Variants in CCDC77 observed in about 807,000 individuals in gnomAD.
CCDC77 encodes coiled-coil domain containing 77.
A neutral mutation model predicts 66.8 loss-of-function variants in CCDC77; 56 were observed. The observed-to-expected ratio is 0.84, with a 90% CI of 0.68 to 1.05. The LOEUF is 1.05. Among genes scored for constraint, CCDC77 ranks in the 50% least tolerant of loss-of-function variants. CCDC77 has a pLI of 0.00. For missense variants in CCDC77, 570 were observed against 576.8 expected (o/e 0.99, Z 0.12); for synonymous variants, 196 against 195.2 (o/e 1.00, Z -0.03).
rs376803710 is a variant in CCDC77, at chr12:430,952, C to T, written c.583+216C>T. The stretch of plus-strand genomic sequence containing the variant: ...AAAACTAGCCGGGTGTGGTGGCAGG[C>T]GCCTGTAATCCTAGCTATTTGGGAG... On this transcript the variant is annotated intron_variant, in intron 7 of 12. Transcript: ENST00000239830. Among the ~76,000 whole-genome samples, 10 of 151,280 alleles carry T rather than the reference C, an allele frequency of 6.6e-5. No homozygotes were observed. The East Asian group carries it at 1.2e-3, about 18-fold the overall frequency.
intron 5 of CCDC77, among the ~76,000 whole-genome samples, chr12:425,626 G>T (rs997985383): frequency 2.0e-5 from 3 of 151,894 alleles, no homozygotes; most frequent in Non-Finnish European, 4.4e-5. Flanking sequence ...CATGTACCAG[G>T]TGAAATAATT....
chr12:423,470 G>GTGTTTTTTTT (rs1565572116), intron 5 of CCDC77, among the ~76,000 whole-genome samples: 1 of 44,876 alleles, frequency 2.2e-5, no homozygotes, highest in East Asian at 1.1e-3. Context: ...TGTTTTTTGT[G>GTGTTTTTTTT]TTTTTTGTGT....
intron 4 of CCDC77, among the ~76,000 whole-genome samples, chr12:415,306 ATATTATGTTAATATAATCAACATAATAT>A (rs1945207166): frequency 2.0e-5 from 2 of 100,300 alleles, no homozygotes; most frequent in African/African-American, 5.2e-5. Context: ...AATCAACATA[ATATTATGTTAATATAATCAACATAATAT>A]TATGTTAATA....
intron 5 of CCDC77, among the ~76,000 whole-genome samples, chr12:427,529 C>T (rs575160195): frequency 7.5e-5 from 11 of 145,962 alleles, no homozygotes; most frequent in East Asian, 2.0e-4. Context: ...GGCCAGAGTG[C>T]GGTGGTGCAA....
chr12:391,220 G>A (rs568716163), intron 1 of CCDC77, among the ~76,000 whole-genome samples: 7 of 152,324 alleles, frequency 4.6e-5, no homozygotes, highest in African/African-American at 1.7e-4. Flanking sequence ...TTGAGGCCAA[G>A]GCGGGCAGAT....
chr12:431,212 C>CTTTTTTTTTTTTTTTTTTTT (rs61068771), intron 7 of CCDC77, among the ~76,000 whole-genome samples: 2 of 115,778 alleles, frequency 1.7e-5, no homozygotes, highest in African/African-American at 2.9e-5. Flanking sequence ...TTGCTCAGTT[C>CTTTTTTTTTTTTTTTTTTTT]TTTTTTTTTT....
intron 6 of CCDC77, 58 bp downstream of exon 6, chr12:428,923 C>T (rs771052095): frequency 5.0e-5 from 53 of 1,068,222 alleles, no homozygotes; most frequent in Non-Finnish European, 7.1e-5. Flanking sequence ...AGGCTAAGGC[C>T]CATCATCAGA....
At chr12:418,091 G>A (rs899622380) in intron 4 of CCDC77, among the ~76,000 whole-genome samples, 5 of 152,114 alleles carry the variant, frequency 3.3e-5, no homozygotes, top group Non-Finnish European at 7.4e-5. Context: ...GACTGAGGCG[G>A]GTGGATCACT....
At chr12:427,661 G>A (rs1375826977) in intron 5 of CCDC77, among the ~76,000 whole-genome samples, 1 of 151,768 alleles carries the variant, frequency 6.6e-6, no homozygotes, top group African/African-American at 2.4e-5. Context: ...TTTTAGTAGA[G>A]ACCAAGGTTT....
At chr12:426,864 T>A (rs1945541462) in intron 5 of CCDC77, among the ~76,000 whole-genome samples, 1 of 152,166 alleles carries the variant, frequency 6.6e-6, no homozygotes, top group South Asian at 2.1e-4. Context: ...ATAGACCCTT[T>A]GGAGGATGTG....
Position 424,110 on chromosome 12 carries a change from A to G in CCDC77, c.414-4659A>G, listed in dbSNP as rs191378089. ...GTCAGCCTCCTGAGTAGCTGGGACT[A>G]CAGGCATGTGCCACTACACCTGGCT... On this transcript the variant is annotated intron_variant, in intron 5 of 12. Coordinates refer to ENST00000239830, the MANE Select transcript of CCDC77 (RefSeq NM_032358.4). Among the ~76,000 whole-genome samples, 4 of 152,062 alleles carry G rather than the reference A, an allele frequency of 2.6e-5. No individual in the cohort carries two copies. In the East Asian group the frequency reaches 7.7e-4, roughly 29 times the overall value.
chr12:391,287 A>G (rs1944750786), intron 1 of CCDC77, among the ~76,000 whole-genome samples: 1 of 152,168 alleles, frequency 6.6e-6, no homozygotes, highest in South Asian at 2.1e-4. Flanking sequence ...TCCTGTCTCT[A>G]TTAAAAATGT....
intron 5 of CCDC77, among the ~76,000 whole-genome samples, chr12:424,884 C>T (rs1565572761): frequency 6.7e-6 from 1 of 148,904 alleles, no homozygotes; most frequent in Non-Finnish European, 1.5e-5. Flanking sequence ...TTCTCAACAT[C>T]ATTTGTTGAG....
At chr12:422,902 C>T (rs1482111522) in intron 5 of CCDC77, among the ~76,000 whole-genome samples, 2 of 152,166 alleles carry the variant, frequency 1.3e-5, no homozygotes, top group Non-Finnish European at 2.9e-5. Flanking sequence ...GTGTGTGCTA[C>T]TGTGCCCGGC....
In CCDC77 at chr12:409,359, A is replaced by G. The variant is rs761658285; in HGVS notation, c.-16-9A>G. 4.4e-6 allele frequency: 7 copies of G among 1,607,230 alleles called. No homozygotes were observed. In the African/African-American group the frequency reaches 6.8e-5, roughly 16 times the overall value. ...GGCCCGTAATTATGAATTTTTGTGT[A>G]TTTGATAGGTGTGAAAAAGACAGCA... is the stretch of plus-strand genomic sequence containing the variant. On this transcript the variant is annotated splice_polypyrimidine_tract_variant and intron_variant, in intron 2 of 12. Coordinates refer to ENST00000239830, the MANE Select transcript of CCDC77 (RefSeq NM_032358.4).
At chr12:407,970 G>T (rs764562103) in intron 2 of CCDC77, among the ~76,000 whole-genome samples, 1 of 151,836 alleles carries the variant, frequency 6.6e-6, no homozygotes, top group African/African-American at 2.4e-5. Flanking sequence ...TGCATTTTTA[G>T]TAGAGATGGG....
chr12:433,112 C>T, intron 8 of CCDC77, 62 bp from the exon 9 acceptor site: 2 of 1,513,616 alleles, frequency 1.3e-6, no homozygotes, highest in Middle Eastern at 1.8e-4. Context: ...GCTCACTTTT[C>T]CTAGAGGTAT....
intron 5 of CCDC77, among the ~76,000 whole-genome samples, chr12:423,095 T>C (rs945532092): frequency 7.9e-5 from 10 of 127,158 alleles, no homozygotes; most frequent in African/African-American, 2.9e-4. Context: ...TGTTATTTTC[T>C]TTTTTTTTTC....
In CCDC77 at chr12:431,893, CGAGA is replaced by C; in HGVS notation, c.618_621del (p.Arg207LysfsTer64). 6.2e-7 allele frequency: 1 copy of C among 1,609,782 alleles called. No homozygotes were observed. ...CCTAAAATAAGCAAAAGAAGACCATCGAGAGAGAGAAAAGAAAGTTCTGAGCATT... is the reference window on the plus strand; with the variant it reads ...CCTAAAATAAGCAAAAGAAGACCATCGAGAGAAAAGAAAGTTCTGAGCATT... On this transcript the variant is annotated frameshift_variant, in exon 8 of 13. Coordinates refer to ENST00000239830, the MANE Select transcript of CCDC77 (RefSeq NM_032358.4). LOFTEE classifies it high-confidence loss of function.
Sources: gnomAD v4.1 joint callset for allele counts (sites outside exome capture counted in the v4.1 genomes callset) on GRCh38, gnomAD v4.1.1 for gene constraint, MANE v1.5 for transcripts, NCBI Gene and HGNC (gene_info 2026-07-23, HGNC 2026-07-21) for gene names.